Variants in AP1S3 observed in about 807,000 individuals in gnomAD.
The protein encoded by AP1S3 is AP-1 complex subunit sigma-3.
In AP1S3, 10 loss-of-function variants were observed where a neutral mutation model predicts 20.9. The observed-to-expected ratio is 0.48, with a 90% CI of 0.29 to 0.81. The LOEUF (loss-of-function observed/expected upper bound fraction) is 0.81, where lower values mean the gene tolerates loss of function less well. Among genes scored for constraint, AP1S3 ranks in the 30% least tolerant of loss-of-function variants. The pLI, the probability that AP1S3 is intolerant of heterozygous loss-of-function variation, is 0.08. For missense variants in AP1S3, 154 were observed against 183.8 expected (o/e 0.84, Z 0.94); for synonymous variants, 41 against 61.5 (o/e 0.67, Z 1.56).
intron 1 of AP1S3, among the ~76,000 whole-genome samples, chr2:223,802,308 T>A (rs868074373): frequency 1.2e-3 from 75 of 64,882 alleles, no homozygotes; most frequent in African/African-American, 5.7e-3. Flanking sequence ...TTTTATTTTA[T>A]TTTTTTTTTT....
rs187686339 is a variant in AP1S3, at chr2:223,790,514, G to A, written c.4-12645C>T. ...CTCCCAAAGTGCTGAGATTACAGGC[G>A]TGAGCCACTGCGCCCAGTAATCGTT... On this transcript the variant is annotated intron_variant, in intron 1 of 4. Transcript: ENST00000396654. 1.9e-4 allele frequency among the ~76,000 whole-genome samples: 29 copies of A among 152,188 alleles called. No individual in the cohort carries two copies. In the East Asian group the frequency reaches 4.2e-3, roughly 22 times the overall value.
chr2:223,825,080 C>A (rs901999902), intron 1 of AP1S3, among the ~76,000 whole-genome samples: 1 of 151,662 alleles, frequency 6.6e-6, no homozygotes, highest in Non-Finnish European at 1.5e-5. Context: ...GAGGCTGAGG[C>A]GGGCGGAGCA....
chr2:223,779,793 C>A (rs1053203222), intron 1 of AP1S3, among the ~76,000 whole-genome samples: 1 of 151,986 alleles, frequency 6.6e-6, no homozygotes, highest in Admixed American at 6.6e-5. Context: ...CATGGAGAAA[C>A]CCCGTCTCTA....
rs1690933980 is a variant in AP1S3 at position 223,781,007 on chromosome 2, T to G, written c.4-3138A>C. 3.9e-5 allele frequency among the ~76,000 whole-genome samples: 6 copies of G among 151,908 alleles called. No homozygotes were observed. In the South Asian group the frequency reaches 8.3e-4, roughly 21 times the overall value. On this transcript the variant is annotated intron_variant, in intron 1 of 4. Coordinates refer to ENST00000396654, the MANE Select transcript of AP1S3 (RefSeq NM_001039569.2). ...CATCTTTATGTTTGTAAGTATCCAG[T>G]GTTTAGCTCCCGCTTGTGAGAACAT...
chr2:223,791,048 C>T (rs1691205766), intron 1 of AP1S3, among the ~76,000 whole-genome samples: 2 of 152,084 alleles, frequency 1.3e-5, no homozygotes, highest in Admixed American at 6.6e-5. Context: ...ACCTACCAAC[C>T]AAGAAAAGCC....
intron 3 of AP1S3, among the ~76,000 whole-genome samples, chr2:223,769,811 T>C (rs992520595): frequency 7.3e-6 from 1 of 137,532 alleles, no homozygotes; most frequent in African/African-American, 2.7e-5. Flanking sequence ...TGGCGCGATC[T>C]CGGCTCACTG....
chr2:223,765,580 A>C (rs1323048348), intron 3 of AP1S3, among the ~76,000 whole-genome samples: 1 of 152,204 alleles, frequency 6.6e-6, no homozygotes, highest in Non-Finnish European at 1.5e-5. Context: ...GTTTTGTGTT[A>C]CAACAGGAAA....
chr2:223,783,821 T>G (rs1453345329), intron 1 of AP1S3, among the ~76,000 whole-genome samples: 1 of 152,180 alleles, frequency 6.6e-6, no homozygotes. Context: ...GGACCTGAGC[T>G]GCTCAGACAA....
intron 1 of AP1S3, among the ~76,000 whole-genome samples, chr2:223,836,096 G>A (rs1692388512): frequency 6.6e-6 from 1 of 152,192 alleles, no homozygotes; most frequent in South Asian, 2.1e-4. Context: ...GGTCTTGCTG[G>A]CCAGGTGCTC....
chr2:223,777,616 G>T, intron 2 of AP1S3, 75 bp downstream of exon 2: 1 of 1,313,368 alleles, frequency 7.6e-7, no homozygotes. Context: ...AATTGGTATA[G>T]CAATCTAAAA....
chr2:223,760,989 T>C (rs1204112700), intron 4 of AP1S3, among the ~76,000 whole-genome samples: 1 of 152,168 alleles, frequency 6.6e-6, no homozygotes, highest in Non-Finnish European at 1.5e-5. Flanking sequence ...CAGTGGCCTC[T>C]AGTCATTGGC....
chr2:223,776,815 G>C (rs1393853605), intron 2 of AP1S3, among the ~76,000 whole-genome samples: 1 of 152,100 alleles, frequency 6.6e-6, no homozygotes, highest in Non-Finnish European at 1.5e-5. Flanking sequence ...AAAAGATCTA[G>C]ATTTGAATCC....
At chr2:223,783,058 CTT>C (rs1243492380) in intron 1 of AP1S3, among the ~76,000 whole-genome samples, 1 of 152,134 alleles carries the variant, frequency 6.6e-6, no homozygotes, top group East Asian at 1.9e-4. Context: ...CATGGGAAGA[CTT>C]TTTCAATATT....
intron 1 of AP1S3, among the ~76,000 whole-genome samples, chr2:223,829,330 T>C (rs185673946): frequency 6.6e-6 from 1 of 152,246 alleles, no homozygotes; most frequent in Non-Finnish European, 1.5e-5. Context: ...TAAAGTTTTA[T>C]TAAAACACAG....
At chr2:223,773,728 A>G (rs1690686897) in intron 3 of AP1S3, among the ~76,000 whole-genome samples, 1 of 84,912 alleles carries the variant, frequency 1.2e-5, no homozygotes, top group African/African-American at 6.0e-5. Context: ...ATTAAAGAGA[A>G]TAACAACAAG....
chr2:223,799,748 G>A (rs1262147358), intron 1 of AP1S3, among the ~76,000 whole-genome samples: 1 of 152,062 alleles, frequency 6.6e-6, no homozygotes, highest in Non-Finnish European at 1.5e-5. Context: ...AGCTGATTAG[G>A]TACAACACTT....
chr2:223,769,919 T>C (rs686867), intron 3 of AP1S3, among the ~76,000 whole-genome samples: 5,510 of 151,930 alleles, frequency 0.036, 159 homozygotes, highest in East Asian at 0.16. Flanking sequence ...TAATTTTTTG[T>C]ATTTTTAGTA....
At chr2:223,833,217 C>T (rs995079062) in intron 1 of AP1S3, among the ~76,000 whole-genome samples, 1 of 149,802 alleles carries the variant, frequency 6.7e-6, no homozygotes, top group Non-Finnish European at 1.5e-5. Context: ...GTATACATCC[C>T]CACAGCTATC....
At chr2:223,818,746 G>A (rs909316270) in intron 1 of AP1S3, among the ~76,000 whole-genome samples, 1 of 151,986 alleles carries the variant, frequency 6.6e-6, no homozygotes, top group South Asian at 2.1e-4. Context: ...TAGAGACGGG[G>A]TCTCACCATG....
Sources: allele counts gnomAD v4.1 joint callset (sites outside exome capture counted in the v4.1 genomes callset), GRCh38; gene constraint gnomAD v4.1.1; transcripts MANE v1.5; gene names NCBI Gene and HGNC (gene_info 2026-07-23, HGNC 2026-07-21).